The following BMP6 variants were observed in gnomAD, a reference collection of about 807,000 sequenced individuals.
BMP6 encodes VG-1-R.
Under a neutral mutation model 54.1 loss-of-function variants are expected in BMP6, and 17 were observed. That is an observed-to-expected ratio of 0.31 (90% CI 0.22 to 0.47). The LOEUF is 0.47. Among genes scored for constraint, BMP6 ranks in the 20% least tolerant of loss-of-function variants. The pLI is 1.00. For synonymous variants in BMP6, 328 were observed against 291.2 expected, an observed-to-expected ratio of 1.13 and a Z score of -1.28; for missense variants, 720 against 690.4, an observed-to-expected ratio of 1.04 and a Z score of -0.48.
chr6:7,734,155 T>C (rs560179849), intron 1 of BMP6, among the ~76,000 whole-genome samples: 1 of 152,304 alleles, frequency 6.6e-6, no homozygotes, highest in Non-Finnish European at 1.5e-5. Flanking sequence ...GGAACACAGC[T>C]ACCATCCCTA....
chr6:7,844,041 T>G (rs980298085), intron 1 of BMP6, among the ~76,000 whole-genome samples: 2 of 152,216 alleles, frequency 1.3e-5, no homozygotes, highest in South Asian at 2.1e-4. Context: ...TTTATTTTTT[T>G]TGTGGTGAGA....
In BMP6 at chr6:7,817,722, A is replaced by AT. The variant is rs199544226; in HGVS notation, c.665-27416dup. Among the ~76,000 whole-genome samples, 420 of 151,500 alleles carry AT rather than the reference A, an allele frequency of 2.8e-3. 2 individuals are homozygous for AT. The highest frequency in any genetic ancestry group is 8.7e-3 in the African/African-American group (358 of 41,300). ...CATGTACCCTAGAACTTAAAGTATA[A>AT]TTAAAAAAAAAAACTGCCTGATGTT... On this transcript the variant is annotated intron_variant, in intron 1 of 6. Coordinates refer to ENST00000283147, the MANE Select transcript of BMP6 (RefSeq NM_001718.6).
At chr6:7,764,614 C>T (rs2113146256) in intron 1 of BMP6, among the ~76,000 whole-genome samples, 1 of 152,210 alleles carries the variant, frequency 6.6e-6, no homozygotes, top group East Asian at 1.9e-4. Context: ...GGACCTCTGG[C>T]TTTTGGTTGC....
At chr6:7,766,092 C>G (rs773953509) in intron 1 of BMP6, among the ~76,000 whole-genome samples, 1 of 152,204 alleles carries the variant, frequency 6.6e-6, no homozygotes, top group Non-Finnish European at 1.5e-5. Flanking sequence ...AGGGAAATGG[C>G]CTTTCTCCAT....
At chr6:7,814,489 G>GT (rs980330217) in intron 1 of BMP6, among the ~76,000 whole-genome samples, 2 of 151,952 alleles carry the variant, frequency 1.3e-5, no homozygotes, top group Non-Finnish European at 2.9e-5. Flanking sequence ...TAGTTTGAGT[G>GT]TTTTTTTTCT....
At chr6:7,825,643 C>G (rs1193481072) in intron 1 of BMP6, among the ~76,000 whole-genome samples, 2 of 151,944 alleles carry the variant, frequency 1.3e-5, no homozygotes, top group African/African-American at 4.8e-5. Context: ...CCACTTGAAC[C>G]CGGGAGGCAG....
At chr6:7,859,873 AAT>A (rs1465693213) in intron 2 of BMP6, among the ~76,000 whole-genome samples, 1 of 152,064 alleles carries the variant, frequency 6.6e-6, no homozygotes, top group Non-Finnish European at 1.5e-5. Flanking sequence ...GAAAGACGAC[AAT>A]AGAGTTCCCT....
intron 2 of BMP6, among the ~76,000 whole-genome samples, chr6:7,861,198 G>A (rs1187075669): frequency 2.2e-5 from 1 of 45,282 alleles, no homozygotes; most frequent in Non-Finnish European, 4.3e-5. Flanking sequence ...AAGTTGAGAG[G>A]GTCTGCCGTG....
chr6:7,863,474 C>G (rs753340965), intron 4 of BMP6, among the ~76,000 whole-genome samples: 4 of 152,196 alleles, frequency 2.6e-5, no homozygotes, highest in Non-Finnish European at 5.9e-5. Flanking sequence ...TTGGCAACCT[C>G]AACCTCAGAC....
intron 1 of BMP6, among the ~76,000 whole-genome samples, chr6:7,793,484 A>G (rs1454416517): frequency 6.6e-6 from 1 of 152,068 alleles, no homozygotes; most frequent in Non-Finnish European, 1.5e-5. Context: ...CATAGACTAT[A>G]CAACACCGAG....
At chr6:7,769,795 G>A (rs568335800) in intron 1 of BMP6, among the ~76,000 whole-genome samples, 22 of 152,196 alleles carry the variant, frequency 1.4e-4, no homozygotes, top group Non-Finnish European at 2.6e-4. Context: ...CCGCATGTCT[G>A]CAAATGCAGA....
At chr6:7,773,798 A>C (rs1418261529) in intron 1 of BMP6, among the ~76,000 whole-genome samples, 1 of 152,170 alleles carries the variant, frequency 6.6e-6, no homozygotes, top group Non-Finnish European at 1.5e-5. Context: ...CGCGTTTACT[A>C]CCTGACTTTT....
intron 2 of BMP6, among the ~76,000 whole-genome samples, chr6:7,857,371 C>A (rs1394603205): frequency 1.4e-4 from 21 of 152,214 alleles, no homozygotes; most frequent in African/African-American, 5.1e-4. Context: ...AACACTGTTA[C>A]ATCCTTGAAG....
rs371163436 is a variant in BMP6 at position 7,777,472 on chromosome 6, C to T, written c.664+49853C>T. On this transcript the variant is annotated intron_variant, in intron 1 of 6. Coordinates refer to ENST00000283147, the MANE Select transcript of BMP6 (RefSeq NM_001718.6). ...GTACCTCTGTGTCAGTGGAATGCCC[C>T]CCTCTGGCTCCAGTATGGGGACTGG... 3.9e-5 allele frequency among the ~76,000 whole-genome samples: 6 copies of T among 152,132 alleles called. No homozygotes were observed. In the South Asian group the frequency reaches 1.0e-3, roughly 26 times the overall value.
chr6:7,785,544 T>A (rs1374599744), intron 1 of BMP6, among the ~76,000 whole-genome samples: 1 of 152,218 alleles, frequency 6.6e-6, no homozygotes, highest in African/African-American at 2.4e-5. Flanking sequence ...GGAGGCACTT[T>A]TGTTTTCAAC....
intron 4 of BMP6, among the ~76,000 whole-genome samples, chr6:7,877,246 T>TA (rs1277520562): frequency 6.6e-6 from 1 of 152,110 alleles, no homozygotes; most frequent in Non-Finnish European, 1.5e-5. Flanking sequence ...AATTTAGAAT[T>TA]ATAAACCACC....
At chr6:7,794,817 G>T (rs1238770525) in intron 1 of BMP6, among the ~76,000 whole-genome samples, 4 of 152,044 alleles carry the variant, frequency 2.6e-5, no homozygotes, top group African/African-American at 9.7e-5. Flanking sequence ...GACACAGGTT[G>T]GTCTGACTTC....
chr6:7,841,321 G>A (rs1273599219), intron 1 of BMP6, among the ~76,000 whole-genome samples: 1 of 152,154 alleles, frequency 6.6e-6, no homozygotes, highest in Non-Finnish European at 1.5e-5. Context: ...AGTAGGTACT[G>A]AGGGCTGAAT....
intron 1 of BMP6, among the ~76,000 whole-genome samples, chr6:7,819,340 C>T (rs1411651094): frequency 6.6e-6 from 1 of 152,234 alleles, no homozygotes; most frequent in East Asian, 1.9e-4. Flanking sequence ...TTCATTGTCT[C>T]CACAATGAGT....
Sources: allele counts gnomAD v4.1 joint callset (sites outside exome capture counted in the v4.1 genomes callset), GRCh38; gene constraint gnomAD v4.1.1; transcripts MANE v1.5; gene names NCBI Gene and HGNC (gene_info 2026-07-23, HGNC 2026-07-21).